The following MYO18B variants were observed in gnomAD, a reference collection of about 807,000 sequenced individuals.
MYO18B encodes myosin XVIIIB, also known as unconventional myosin-XVIIIb.
Under a neutral mutation model 273.0 loss-of-function variants are expected in MYO18B, and 204 were observed. The observed-to-expected ratio is 0.75, with a 90% confidence interval of 0.67 to 0.84. The LOEUF is 0.84. MYO18B is among the 40% of genes least tolerant of loss of function. The pLI is 0.00. For missense variants in MYO18B, 3,212 were observed against 3,287.6 expected, an observed-to-expected ratio of 0.98 and a Z score of 0.56; for synonymous variants, 1,330 against 1,305.7, an observed-to-expected ratio of 1.02 and a Z score of -0.40.
chr22:25,812,487 A>G (rs1398729898), intron 12 of MYO18B, among the ~76,000 whole-genome samples: 1 of 150,250 alleles, frequency 6.7e-6, no homozygotes, highest in East Asian at 1.9e-4. Flanking sequence ...TAGAGTTGGT[A>G]TCTGGGACCC....
chr22:25,907,281 A>C (rs1369895548), intron 31 of MYO18B, among the ~76,000 whole-genome samples: 2 of 152,256 alleles, frequency 1.3e-5, no homozygotes, highest in Non-Finnish European at 2.9e-5. Flanking sequence ...CTTCCACTCT[A>C]GAACCCTTTA....
At chr22:25,794,022 C>T (rs1168707225) in intron 11 of MYO18B, among the ~76,000 whole-genome samples, 1 of 151,802 alleles carries the variant, frequency 6.6e-6, no homozygotes, top group African/African-American at 2.4e-5. Context: ...CAAACTCCGC[C>T]TCCTGGGTTC....
chr22:25,914,729 C>T (rs1425716873), intron 33 of MYO18B, among the ~76,000 whole-genome samples: 1 of 99,674 alleles, frequency 1.0e-5, no homozygotes. Flanking sequence ...TGGAGTCTCG[C>T]TCTGTCGCCC....
intron 30 of MYO18B, 127 bp from the exon 31 acceptor site, chr22:25,903,504 G>A: frequency 7.4e-6 from 7 of 952,000 alleles, no homozygotes; most frequent in Non-Finnish European, 1.1e-5. Flanking sequence ...TGGGGTCCAG[G>A]TGGAAATGGC....
At chr22:26,052,000 C>A in the MYO18B span, among the ~76,000 whole-genome samples, 1 of 152,130 alleles carries the variant, frequency 6.6e-6, no homozygotes, top group Admixed American at 6.5e-5. Context: ...TTGTTTTTAG[C>A]CTTTTGCTTC....
At chr22:25,778,822 C>T (rs964749073) in intron 8 of MYO18B, among the ~76,000 whole-genome samples, 1 of 151,204 alleles carries the variant, frequency 6.6e-6, no homozygotes, top group Non-Finnish European at 1.5e-5. Context: ...CTAAAACAGC[C>T]CTATAAGGTA....
At chr22:25,865,225 A>G (rs528724826) in intron 21 of MYO18B, among the ~76,000 whole-genome samples, 10 of 152,244 alleles carry the variant, frequency 6.6e-5, no homozygotes, top group Non-Finnish European at 1.3e-4. Context: ...GGTCAGTTGT[A>G]TAATTTAATA....
chr22:25,780,111 G>A lies in MYO18B; in HGVS notation c.2124G>A (p.Met708Ile). Residue 708 changes from methionine to isoleucine, a missense_variant, in exon 9 of 44, where the codon ATG (methionine) becomes ATA (isoleucine). By Grantham distance (10) the Met-to-Ile change is conservative. Transcript: ENST00000335473. ...TVLRAFGSVS[M>I]AHSRSATRFS... ...TCCGGGCCTTCGGCTCTGTGTCCAT[G>A]GCCCACAGCCGCAGTGCCACCCGGT... 1 of 1,602,704 alleles carries A rather than the reference G, an allele frequency of 6.2e-7. No individual in the cohort carries two copies. The highest frequency in any genetic ancestry group is 8.5e-7 in the Non-Finnish European group (1 of 1,175,594).
At chr22:25,849,863 G>A (rs532305810) in intron 20 of MYO18B, among the ~76,000 whole-genome samples, 35 of 152,316 alleles carry the variant, frequency 2.3e-4, no homozygotes, top group African/African-American at 6.7e-4. Context: ...ATACCCATTA[G>A]CCACTTTTAC....
chr22:25,984,322 C>A (rs1017318832), intron 39 of MYO18B, among the ~76,000 whole-genome samples: 2 of 152,184 alleles, frequency 1.3e-5, no homozygotes, highest in African/African-American at 4.8e-5. Flanking sequence ...TTGCATCTCT[C>A]CCTCTCCCCA....
chr22:25,990,993 A>T (rs934573129), intron 39 of MYO18B, among the ~76,000 whole-genome samples: 2 of 151,438 alleles, frequency 1.3e-5, no homozygotes, highest in East Asian at 1.9e-4. Context: ...CATGAGTGTT[A>T]TTTGCATAGA....
intron 12 of MYO18B, among the ~76,000 whole-genome samples, chr22:25,819,640 TAATG>T (rs1384642802): frequency 7.2e-5 from 11 of 152,232 alleles, no homozygotes; most frequent in Admixed American, 4.6e-4. Context: ...TGGCAGGTGA[TAATG>T]AATTCTCATT....
At chr22:26,061,515 G>A in the MYO18B span, among the ~76,000 whole-genome samples, 3 of 151,688 alleles carry the variant, frequency 2.0e-5, no homozygotes, top group East Asian at 5.8e-4. Context: ...GGCTTCTCTA[G>A]CCTCACCAGA....
chr22:25,871,318 A>G (rs938002066), intron 22 of MYO18B, among the ~76,000 whole-genome samples: 2 of 152,200 alleles, frequency 1.3e-5, no homozygotes, highest in African/African-American at 4.8e-5. Context: ...GGATCCATAA[A>G]GTGTCATTTA....
rs976027301 is a variant in MYO18B, at chr22:25,897,173, A to G, written c.4669-1134A>G. 3.9e-5 allele frequency: 6 copies of G among 152,220 alleles called. No individual in the cohort carries two copies. The South Asian group carries it at 6.2e-4, about 16-fold the overall frequency. 9.4% of individuals were successfully genotyped at this position (152,220 alleles called of 1,614,324 possible). ...AGTTGTCTTCCAAAACATAGGCCTC[A>G]TCATGTTGTATTGTAATTACCTACT... On this transcript the variant is annotated intron_variant, in intron 28 of 43. Coordinates refer to ENST00000335473, the MANE Select transcript of MYO18B (RefSeq NM_032608.7).
intron 29 of MYO18B, among the ~76,000 whole-genome samples, chr22:25,902,318 A>T (rs2091954224): frequency 6.6e-6 from 1 of 152,160 alleles, no homozygotes; most frequent in South Asian, 2.1e-4. Flanking sequence ...GACTATGGTG[A>T]GGGAGAAATC....
chr22:26,027,623 C>T lies in MYO18B; in HGVS notation c.7649C>T (p.Thr2550Met), dbSNP rs537017719. The T allele has an allele frequency of 1.0e-4, 168 of 1,613,704 alleles. No individual in the cohort carries two copies. The highest frequency in any genetic ancestry group is 3.3e-4 in the Admixed American group (20 of 59,998). The change falls in exon 43 of 44, where the codon ACG (threonine) becomes ATG (methionine). Residue 2550 changes from threonine to methionine, a missense_variant. Physicochemically the swap from Thr to Met is moderately conservative, Grantham distance 81. Coordinates refer to ENST00000335473, the MANE Select transcript of MYO18B (RefSeq NM_032608.7). The surrounding 1 kb of genome is among the most constrained non-coding windows in gnomAD (Gnocchi z 4.1). ...TCCCCCGAGCGGAGAGAGCCAGGGA[C>T]GGGGAGGAAAGACGACGATGTTGCG... The part of the protein sequence containing the change: ...RTSPERREPG[T>M]GRKDDDVASI...
chr22:25,770,723 A>C, intron 5 of MYO18B, 149 bp from the exon 6 acceptor site: 1 of 621,252 alleles, frequency 1.6e-6, no homozygotes, highest in East Asian at 2.8e-5. Context: ...CTCCAAGTGA[A>C]TAGACCCCAA....
chr22:25,761,666 TC>T (rs902880018), intron 2 of MYO18B, among the ~76,000 whole-genome samples: 2 of 152,182 alleles, frequency 1.3e-5, no homozygotes, highest in African/African-American at 4.8e-5. Context: ...GCCTGTTACT[TC>T]CTGCACCCTC....
Sources: allele counts gnomAD v4.1 joint callset (sites outside exome capture counted in the v4.1 genomes callset), GRCh38; gene constraint gnomAD v4.1.1; non-coding constraint Gnocchi (gnomAD v3.1); transcripts MANE v1.5; gene names NCBI Gene and HGNC (gene_info 2026-07-23, HGNC 2026-07-21).